The following RBFOX1 variants were observed in gnomAD, a reference collection of about 807,000 sequenced individuals.
RBFOX1 encodes RNA binding fox-1 homolog 1, also known as RNA binding protein fox-1 homolog 1.
A neutral mutation model predicts 57.7 loss-of-function variants in RBFOX1; 8 were observed. The ratio of observed to expected loss-of-function variants is 0.14; its 90% CI spans 0.08 to 0.25. The LOEUF (loss-of-function observed/expected upper bound fraction) is 0.25. Among genes scored for constraint, RBFOX1 ranks in the 10% least tolerant of loss-of-function variants. The pLI is 1.00. For synonymous variants in RBFOX1, 326 were observed against 222.4 expected, an observed-to-expected ratio of 1.47 and a Z score of -4.15; for missense variants, 611 against 548.5, an observed-to-expected ratio of 1.11 and a Z score of -1.14.
intron 3 of RBFOX1, among the ~76,000 whole-genome samples, chr16:6,905,294 C>T (rs967206371): frequency 6.6e-6 from 1 of 151,942 alleles, no homozygotes; most frequent in Non-Finnish European, 1.5e-5. Flanking sequence ...TAGGTCATTC[C>T]TGTAATCCTA....
chr16:6,988,746 TGTTTG>T (rs1225170024), intron 3 of RBFOX1, among the ~76,000 whole-genome samples: 5,237 of 35,560 alleles, frequency 0.15, 282 homozygotes, highest in African/African-American at 0.21. Context: ...TTTTTTTGTT[TGTTTG>T]TTTTTTGTTT....
chr16:5,660,306 C>G (rs1481482343), intron 3 of RBFOX1, among the ~76,000 whole-genome samples: 2 of 152,130 alleles, frequency 1.3e-5, no homozygotes, highest in African/African-American at 4.8e-5. Context: ...GTCTTTGTGA[C>G]CAGCAGGTCC....
Position 7,519,976 on chromosome 16 carries a change from C to G in RBFOX1, c.270+1587C>G, listed in dbSNP as rs550769920. Among the ~76,000 whole-genome samples the G allele has an allele frequency of 1.3e-3, 199 of 152,274 alleles. 1 individual carries two copies. The highest frequency in any genetic ancestry group is 4.5e-3 in the African/African-American group (187 of 41,554). On this transcript the variant is annotated intron_variant, in intron 5 of 15. Coordinates refer to ENST00000550418, the MANE Select transcript of RBFOX1 (RefSeq NM_018723.4). ...TCTCGGCTCACTGCAAGCTCCACCT[C>G]CCAGGTTCACGCCATTCTCCTGCCT...
intron 3 of RBFOX1, among the ~76,000 whole-genome samples, chr16:6,825,706 T>C (rs12931415): frequency 0.38 from 57,991 of 151,774 alleles, 11,813 homozygotes; most frequent in East Asian, 0.65. Context: ...TAGTAGCAGA[T>C]GAAGAGGAAA....
chr16:5,485,711 G>A (rs1289288577), intron 2 of RBFOX1, among the ~76,000 whole-genome samples: 1 of 152,170 alleles, frequency 6.6e-6, no homozygotes, highest in African/African-American at 2.4e-5. Flanking sequence ...AAGAGATTCT[G>A]TTACCCTTGG....
At chr16:5,597,044 G>C (rs9924921) in intron 2 of RBFOX1, among the ~76,000 whole-genome samples, 16,908 of 152,166 alleles carry the variant, frequency 0.11, 1,173 homozygotes, top group East Asian at 0.32. Context: ...TAAAATATGT[G>C]TCTTCTCATT....
chr16:5,561,174 T>A (rs2045877766), intron 2 of RBFOX1, among the ~76,000 whole-genome samples: 1 of 152,116 alleles, frequency 6.6e-6, no homozygotes, highest in Non-Finnish European at 1.5e-5. Context: ...TGCTGCCTGA[T>A]CCTTCATCCA....
At chr16:6,988,560 TTTATTTA>T (rs1354044751) in intron 3 of RBFOX1, among the ~76,000 whole-genome samples, 3 of 111,556 alleles carry the variant, frequency 2.7e-5, no homozygotes, top group Non-Finnish European at 6.5e-5. Context: ...TTAATTTAAC[TTTATTTA>T]ATTTTATTTT....
intron 2 of RBFOX1, among the ~76,000 whole-genome samples, chr16:6,621,531 A>G: frequency 6.6e-6 from 1 of 152,182 alleles, no homozygotes; most frequent in East Asian, 1.9e-4. Context: ...CCCTAAATCA[A>G]AAATCTCAAG....
intron 3 of RBFOX1, among the ~76,000 whole-genome samples, chr16:6,865,438 C>G (rs557406068): frequency 5.9e-5 from 9 of 152,114 alleles, no homozygotes; most frequent in African/African-American, 1.9e-4. Context: ...TAGTGTGTGC[C>G]ATGGGGATAT....
chr16:5,515,131 G>C (rs904540014), intron 2 of RBFOX1, among the ~76,000 whole-genome samples: 1 of 152,166 alleles, frequency 6.6e-6, no homozygotes, highest in African/African-American at 2.4e-5. Flanking sequence ...ATGAGGACTC[G>C]GCCCCCATGA....
chr16:6,484,873 C>T (rs1391695842), intron 2 of RBFOX1, among the ~76,000 whole-genome samples: 1 of 152,190 alleles, frequency 6.6e-6, no homozygotes, highest in Non-Finnish European at 1.5e-5. Context: ...ATTTTGGTTA[C>T]ACAGAAATGA....
At chr16:5,423,679 A>G (rs1013409003) in intron 1 of RBFOX1, among the ~76,000 whole-genome samples, 3 of 152,034 alleles carry the variant, frequency 2.0e-5, no homozygotes, top group African/African-American at 7.2e-5. Context: ...TTACAAATCT[A>G]TCTTGCTGTC....
At chr16:6,814,063 A>G (rs2089462504) in intron 3 of RBFOX1, among the ~76,000 whole-genome samples, 1 of 152,156 alleles carries the variant, frequency 6.6e-6, no homozygotes, top group Non-Finnish European at 1.5e-5. Context: ...CCTGGAGTGA[A>G]AAGCAGATGT....
intron 4 of RBFOX1, among the ~76,000 whole-genome samples, chr16:7,103,224 C>G (rs1219026636): frequency 6.6e-6 from 1 of 152,144 alleles, no homozygotes; most frequent in African/African-American, 2.4e-5. Flanking sequence ...CCAATGACCT[C>G]ATTCTTTTGC....
At chr16:5,279,538 G>T (rs191761419) in intron 1 of RBFOX1, among the ~76,000 whole-genome samples, 27 of 152,192 alleles carry the variant, frequency 1.8e-4, no homozygotes, top group African/African-American at 5.5e-4. Context: ...GTCTCACTCT[G>T]TTGCCCAGGC....
intron 3 of RBFOX1, among the ~76,000 whole-genome samples, chr16:5,744,079 A>G (rs2052881044): frequency 2.0e-5 from 3 of 152,120 alleles, no homozygotes; most frequent in Admixed American, 1.3e-4. Flanking sequence ...GTGCTTTCAT[A>G]TAAATTTTCA....
At chr16:6,849,124 A>G (rs1338253431) in intron 3 of RBFOX1, among the ~76,000 whole-genome samples, 1 of 152,160 alleles carries the variant, frequency 6.6e-6, no homozygotes, top group African/African-American at 2.4e-5. Context: ...TGATTTATAT[A>G]TAATCATCCC....
chr16:6,603,933 C>T (rs2097889806), intron 2 of RBFOX1, among the ~76,000 whole-genome samples: 1 of 147,410 alleles, frequency 6.8e-6, no homozygotes, highest in South Asian at 2.3e-4. Context: ...GGGGGCTGTT[C>T]AGTGAAGTTG....
Sources: gnomAD v4.1 joint callset for allele counts (sites outside exome capture counted in the v4.1 genomes callset) on GRCh38, gnomAD v4.1.1 for gene constraint, MANE v1.5 for transcripts, NCBI Gene and HGNC (gene_info 2026-07-23, HGNC 2026-07-21) for gene names.